Variants in PRKD3 observed in about 807,000 individuals in gnomAD.
The protein encoded by PRKD3 is serine/threonine-protein kinase D3.
Under a neutral mutation model 99.2 loss-of-function variants are expected in PRKD3, and 47 were observed. That is an observed-to-expected ratio of 0.47 (90% CI 0.38 to 0.60). The LOEUF (loss-of-function observed/expected upper bound fraction) is 0.60, where lower values mean the gene tolerates loss of function less well. PRKD3 is among the 20% of genes least tolerant of loss of function. The pLI is 0.00. For missense variants in PRKD3, 1,019 were observed against 1,088.4 expected, an observed-to-expected ratio of 0.94 and a Z score of 0.90; for synonymous variants, 392 against 355.4, an observed-to-expected ratio of 1.10 and a Z score of -1.16.
intron 2 of PRKD3, among the ~76,000 whole-genome samples, chr2:37,313,200 G>A (rs1671513983): frequency 6.6e-6 from 1 of 152,096 alleles, no homozygotes; most frequent in Non-Finnish European, 1.5e-5. Context: ...CTCTGCTGCT[G>A]CAGAACAAAA....
intron 8 of PRKD3, chr2:37,279,277 T>TA (rs1211000771): frequency 2.6e-5 from 4 of 152,384 alleles, no homozygotes; most frequent in Non-Finnish European, 4.4e-5. Context: ...AAAATGCTAA[T>TA]AGTCGGATTA....
At chr2:37,287,417 C>T (rs908778543) in intron 5 of PRKD3, among the ~76,000 whole-genome samples, 2 of 151,522 alleles carry the variant, frequency 1.3e-5, no homozygotes, top group African/African-American at 4.9e-5. Flanking sequence ...CTCCCTTGCA[C>T]TTCTCTGTCT....
At position 37,316,294 on chromosome 2, in the gene PRKD3, G is replaced by C; in HGVS notation, c.231C>G (p.Ala77=). The C allele has an allele frequency of 6.2e-7, 1 of 1,614,166 alleles. No individual in the cohort carries two copies. Among genetic ancestry groups the C allele is most frequent in the African/African-American group, 1.3e-5 (1 of 75,036 alleles). The change falls in exon 2 of 19, where the codon GCC becomes GCG. Residue 77 remains alanine, a synonymous_variant. Coordinates refer to ENST00000234179, the MANE Select transcript of PRKD3 (RefSeq NM_005813.6). ...GLTRESVTIE[A]QELSLSAVKD... ...TGACAGCAGATAAAGACAGTTCCTG[G>C]GCTTCAATGGTAACACTCTCCCGTG...
In PRKD3 at chr2:37,260,215, TA is replaced by T; in HGVS notation, c.2046+7del. ...CGCTAGTTTAAAAAAAAAAAGGAGT[TA>T]AAATACCTGTGTGACCATGAATTTA... On this transcript the variant is annotated splice_region_variant and intron_variant, in intron 15 of 18. Transcript: ENST00000234179. 1.3e-6 allele frequency: 2 copies of T among 1,584,620 alleles called. No homozygotes were observed. The highest frequency in any genetic ancestry group is 1.7e-6 in the Non-Finnish European group (2 of 1,167,690).
At position 37,300,882 on chromosome 2, in the gene PRKD3, T is replaced by C. The variant is rs563766168; in HGVS notation, c.289-7611A>G. Reference sequence around the variant, plus strand: ...TTTGTAGATACTGCCAAATTGCTCTTTATGGCGGTCAAACCAATTTATACT... The same window carrying C: ...TTTGTAGATACTGCCAAATTGCTCTCTATGGCGGTCAAACCAATTTATACT... On this transcript the variant is annotated intron_variant, in intron 2 of 18. Transcript: ENST00000234179. 1.2e-4 allele frequency among the ~76,000 whole-genome samples: 19 copies of C among 152,346 alleles called. No individual in the cohort carries two copies. The South Asian group carries it at 3.7e-3, about 30-fold the overall frequency.
intron 2 of PRKD3, among the ~76,000 whole-genome samples, chr2:37,299,840 T>A (rs915881818): frequency 6.6e-6 from 1 of 151,996 alleles, no homozygotes; most frequent in East Asian, 1.9e-4. Flanking sequence ...CAATGAGATA[T>A]CATCTCATCT....
intron 2 of PRKD3, among the ~76,000 whole-genome samples, chr2:37,313,436 C>A (rs1386430263): frequency 6.6e-6 from 1 of 151,530 alleles, no homozygotes; most frequent in Non-Finnish European, 1.5e-5. Flanking sequence ...GACCTGAGAA[C>A]AGAAGGGACA....
chr2:37,313,243 C>A lies in PRKD3; in HGVS notation c.288+2994G>T, dbSNP rs532438714. On this transcript the variant is annotated intron_variant, in intron 2 of 18. Transcript: ENST00000234179. ...CAGACAAGATATAAAGGATTGAGCA[C>A]CCTGTGTTCCAATAAAACTCTATTG... Among the ~76,000 whole-genome samples, 14 of 152,056 alleles carry A rather than the reference C, an allele frequency of 9.2e-5. No homozygotes were observed. In the South Asian group the frequency reaches 2.9e-3, roughly 32 times the overall value.
intron 13 of PRKD3, 118 bp from the exon 14 acceptor site, chr2:37,267,654 G>A (rs1423174442): frequency 1.3e-6 from 1 of 781,798 alleles, no homozygotes; most frequent in Non-Finnish European, 2.1e-6. Flanking sequence ...GCTCATTTTT[G>A]TTCTTTCTCC....
intron 5 of PRKD3, among the ~76,000 whole-genome samples, chr2:37,288,118 G>C (rs183374723): frequency 6.6e-6 from 1 of 152,074 alleles, no homozygotes; most frequent in East Asian, 1.9e-4. Flanking sequence ...CTGTCCTTCT[G>C]CTATTTCCTA....
intron 13 of PRKD3, chr2:37,268,092 T>C (rs1173217965): frequency 1.1e-5 from 3 of 261,856 alleles, no homozygotes; most frequent in Admixed American, 5.2e-5. Context: ...ATACCTATTA[T>C]GTACTAGGTA....
At chr2:37,315,628 T>C (rs1194891482) in intron 2 of PRKD3, among the ~76,000 whole-genome samples, 1 of 152,146 alleles carries the variant, frequency 6.6e-6, no homozygotes, top group Non-Finnish European at 1.5e-5. Context: ...TGAAAACAAA[T>C]GAGATTTCTT....
chr2:37,313,305 A>T (rs1671522215), intron 2 of PRKD3, among the ~76,000 whole-genome samples: 1 of 151,446 alleles, frequency 6.6e-6, no homozygotes, highest in African/African-American at 2.4e-5. Context: ...TTATGGATAC[A>T]GATTGCTGAC....
chr2:37,283,277 A>G (rs955364917), intron 6 of PRKD3, among the ~76,000 whole-genome samples: 13 of 152,112 alleles, frequency 8.5e-5, no homozygotes, highest in African/African-American at 2.9e-4. Context: ...CAGACCTACT[A>G]TATCAGCAAC....
chr2:37,273,103 T>C lies in PRKD3; in HGVS notation c.1652-671A>G, dbSNP rs138545800. 2.0e-3 allele frequency among the ~76,000 whole-genome samples: 309 copies of C among 152,298 alleles called. 1 individual carries two copies. Among genetic ancestry groups the C allele is most frequent in the Non-Finnish European group, 3.2e-3 (220 of 68,014 alleles). ...AGGTGGGGTTGGGGGACAAAGAGTT[T>C]TTATACACTTCTAAATTGCTTGCAT... On this transcript the variant is annotated intron_variant, in intron 11 of 18. Transcript: ENST00000234179.
intron 1 of PRKD3, among the ~76,000 whole-genome samples, chr2:37,323,332 C>CT (rs1457967992): frequency 6.6e-6 from 1 of 151,434 alleles, no homozygotes; most frequent in Non-Finnish European, 1.5e-5. Flanking sequence ...ATGCTATATA[C>CT]TAAATTATAG....
At position 37,259,472 on chromosome 2, in the gene PRKD3, G is replaced by C. The variant is rs546904637; in HGVS notation, c.2145+111C>G. On this transcript the variant is annotated intron_variant, in intron 16 of 18. Coordinates refer to ENST00000234179, the MANE Select transcript of PRKD3 (RefSeq NM_005813.6). ...TAGTTACAGGCTAAAAACTATTTTT[G>C]TAAGGTGGTATGCATTTTTAACCAA... is the stretch of plus-strand genomic sequence containing the variant. The C allele has an allele frequency of 4.6e-5, 29 of 636,916 alleles. No homozygotes were observed. The East Asian group carries it at 5.8e-4, about 13-fold the overall frequency. The allele number at this position is 636,916 out of a possible 1,614,324, so 39.5% of individuals were successfully genotyped here. A position where few individuals can be genotyped will look rare whatever the true frequency, so the allele number is the denominator to read the frequency against.
At chr2:37,257,056 C>A in intron 16 of PRKD3, 127 bp from the exon 17 acceptor site, 2 of 1,063,056 alleles carry the variant, frequency 1.9e-6, no homozygotes, top group Non-Finnish European at 2.7e-6. Context: ...GAATATTAAT[C>A]ACAGATAAGG....
intron 13 of PRKD3, chr2:37,268,214 T>G (rs1039782865): frequency 4.7e-6 from 2 of 425,458 alleles, no homozygotes; most frequent in African/African-American, 2.1e-5. Flanking sequence ...TATTTTAGAT[T>G]AACTCATTTG....
Sources: allele counts gnomAD v4.1 joint callset (sites outside exome capture counted in the v4.1 genomes callset), GRCh38; gene constraint gnomAD v4.1.1; transcripts MANE v1.5; gene names NCBI Gene and HGNC (gene_info 2026-07-23, HGNC 2026-07-21).